The following LACTB variants were observed in gnomAD, a reference collection of about 807,000 sequenced individuals.
LACTB encodes the protein lactamase beta.
A neutral mutation model predicts 50.2 loss-of-function variants in LACTB; 35 were observed. That is an observed-to-expected ratio of 0.70 (90% CI 0.53 to 0.92). The LOEUF (loss-of-function observed/expected upper bound fraction) is 0.92, where lower values mean the gene tolerates loss of function less well. Among genes scored for constraint, LACTB ranks in the 40% least tolerant of loss-of-function variants. The pLI is 0.00. For missense variants in LACTB, 664 were observed against 691.8 expected (o/e 0.96, Z 0.45); for synonymous variants, 252 against 268.2 (o/e 0.94, Z 0.59).
In LACTB at chr15:63,141,643, T is replaced by C. The variant is rs758057007; in HGVS notation, c.1482T>C (p.Ser494=). 5 of 1,614,104 alleles carry C rather than the reference T, an allele frequency of 3.1e-6. No homozygotes were observed. In the South Asian group the frequency reaches 5.5e-5, roughly 18 times the overall value. Residue 494 remains serine (S), a synonymous_variant, in exon 6 of 6, where the codon AGT becomes AGC. Coordinates refer to ENST00000261893, the MANE Select transcript of LACTB (RefSeq NM_032857.5). ...SHTGGAVGAS[S]VLLVLPEELD... The stretch of plus-strand genomic sequence containing the variant: ...CTGGAGGGGCAGTGGGTGCCAGTAG[T>C]GTCCTGCTGGTCCTTCCTGAAGAAC...
intron 5 of LACTB, among the ~76,000 whole-genome samples, chr15:63,136,015 G>A (rs1316297484): frequency 1.3e-5 from 2 of 151,004 alleles, no homozygotes; most frequent in African/African-American, 4.9e-5. Context: ...TATGCCATAT[G>A]ATGGTGAGTC....
At chr15:63,122,304 AC>A in intron 1 of LACTB, 76 bp downstream of exon 1, 1 of 1,278,156 alleles carries the variant, frequency 7.8e-7, no homozygotes, top group Non-Finnish European at 1.0e-6. Context: ...GGCTGAGTGG[AC>A]CCCACCCGGG....
intron 5 of LACTB, among the ~76,000 whole-genome samples, chr15:63,135,624 G>A (rs893406755): frequency 6.6e-6 from 1 of 152,156 alleles, no homozygotes; most frequent in Non-Finnish European, 1.5e-5. Context: ...GAGGCTGAGC[G>A]GGGAGGATCA....
At chr15:63,140,960 C>A (rs2037222266) in intron 5 of LACTB, 2 of 967,842 alleles carry the variant, frequency 2.1e-6, no homozygotes, top group African/African-American at 3.5e-5. Flanking sequence ...ATGCACAGGG[C>A]AAATATGTCA....
At chr15:63,138,532 G>T (rs1440017078) in intron 5 of LACTB, among the ~76,000 whole-genome samples, 1 of 152,124 alleles carries the variant, frequency 6.6e-6, no homozygotes, top group African/African-American at 2.4e-5. Flanking sequence ...AAATGGTAAA[G>T]TTTATCTTTC....
At chr15:63,127,787 T>C (rs1406999312) in intron 4 of LACTB, 98 bp downstream of exon 4, 10 of 841,162 alleles carry the variant, frequency 1.2e-5, no homozygotes, top group South Asian at 1.1e-4. Context: ...TTCATTGAGG[T>C]TGATGATTGT....
At position 63,141,592 on chromosome 15, in the gene LACTB, A is replaced by G; in HGVS notation, c.1431A>G (p.Arg477=). 1 of 1,614,220 alleles carries G rather than the reference A, an allele frequency of 6.2e-7. No individual in the cohort carries two copies. Among genetic ancestry groups the G allele is most frequent in the Non-Finnish European group, 8.5e-7 (1 of 1,180,038 alleles). Residue 477 remains arginine, a synonymous_variant, in exon 6 of 6, where the codon AGA becomes AGG. Coordinates refer to ENST00000261893, the MANE Select transcript of LACTB (RefSeq NM_032857.5). The part of the protein sequence containing the change: ...VERKQTYGSC[R]KQRHYASHTG... The stretch of plus-strand genomic sequence containing the variant: ...GGAAACAAACGTATGGTTCGTGTAG[A>G]AAGCAACGGCATTATGCTTCACATA...
At chr15:63,125,207 G>A (rs377549750) in intron 2 of LACTB, among the ~76,000 whole-genome samples, 6 of 140,436 alleles carry the variant, frequency 4.3e-5, no homozygotes, top group East Asian at 2.1e-4. Context: ...CACTCTTGTT[G>A]CCCAGGCTGG....
intron 5 of LACTB, among the ~76,000 whole-genome samples, chr15:63,139,885 G>A (rs540953006): frequency 6.6e-6 from 1 of 151,378 alleles, no homozygotes. Context: ...ATTGCTTGAG[G>A]CCAGGAGTTC....
At chr15:63,128,838 G>T (rs2037091919) in intron 4 of LACTB, among the ~76,000 whole-genome samples, 1 of 151,952 alleles carries the variant, frequency 6.6e-6, no homozygotes, top group Admixed American at 6.6e-5. Context: ...CTGCCTCCTG[G>T]GTTTAAGCGA....
chr15:63,141,845 G>GT lies in LACTB; in HGVS notation c.*47dup, dbSNP rs530477650. The stretch of plus-strand genomic sequence containing the variant: ...TAGGTGCAAAATGAGTTGTTCTGAG[G>GT]TTTTTTTGAAACATTAAAGTTCCAA... On this transcript the variant is annotated 3_prime_UTR_variant, in exon 6 of 6. Coordinates refer to ENST00000261893, the MANE Select transcript of LACTB (RefSeq NM_032857.5). 47 of 1,530,740 alleles carry GT rather than the reference G, an allele frequency of 3.1e-5. No homozygotes were observed. Among genetic ancestry groups the GT allele is most frequent in the African/African-American group, 6.9e-5 (5 of 72,366 alleles). The allele number at this position is 1,530,740 out of a possible 1,614,324, so 94.8% of individuals were successfully genotyped here.
chr15:63,129,533 T>C lies in LACTB; in HGVS notation c.1001T>C (p.Ile334Thr), dbSNP rs2037101657. 6.2e-7 allele frequency: 1 copy of C among 1,612,664 alleles called. No individual in the cohort carries two copies. The highest frequency in any genetic ancestry group is 8.5e-7 in the Non-Finnish European group (1 of 1,179,240). Reference sequence around the variant, plus strand: ...TTTGGCTATACCCTACTGGCAGCCATAGTAGAGAGAGCTTCAGGATGTAAA... The same window carrying C: ...TTTGGCTATACCCTACTGGCAGCCACAGTAGAGAGAGCTTCAGGATGTAAA... Reference protein sequence around the residue: ...STFGYTLLAAIVERASGCKYL... With the variant: ...STFGYTLLAATVERASGCKYL... Residue 334 changes from isoleucine to threonine, a missense_variant, in exon 5 of 6, where the codon ATA (isoleucine) becomes ACA (threonine). Coordinates refer to ENST00000261893, the MANE Select transcript of LACTB (RefSeq NM_032857.5).
rs771050457 is a variant in LACTB at position 63,141,599 on chromosome 15, C to T, written c.1438C>T (p.Arg480Trp). The change falls in exon 6 of 6, where the codon CGG becomes TGG. Residue 480 changes from arginine to tryptophan, a missense_variant. Arg to Trp is a moderately radical substitution (Grantham distance 101, BLOSUM62 -3). Transcript: ENST00000261893. ...AACGTATGGTTCGTGTAGAAAGCAACGGCATTATGCTTCACATACTGGAGG... is the reference window on the plus strand; with the variant it reads ...AACGTATGGTTCGTGTAGAAAGCAATGGCATTATGCTTCACATACTGGAGG... ...KQTYGSCRKQRHYASHTGGAV... is the reference protein window; with the variant it reads ...KQTYGSCRKQWHYASHTGGAV... 5.6e-6 allele frequency: 9 copies of T among 1,614,014 alleles called. No homozygotes were observed. In the East Asian group the frequency reaches 1.3e-4, roughly 24 times the overall value.
intron 2 of LACTB, among the ~76,000 whole-genome samples, chr15:63,125,697 G>T (rs1160571445): frequency 6.7e-6 from 1 of 150,194 alleles, no homozygotes; most frequent in African/African-American, 2.5e-5. Context: ...TTTATTTTTT[G>T]GACAGGGTCT....
At chr15:63,135,194 T>C (rs2037165214) in intron 5 of LACTB, among the ~76,000 whole-genome samples, 1 of 152,198 alleles carries the variant, frequency 6.6e-6, no homozygotes, top group Admixed American at 6.5e-5. Context: ...TTTTTAGCTT[T>C]GTGTTCTTAT....
intron 5 of LACTB, among the ~76,000 whole-genome samples, chr15:63,135,775 T>G (rs1306766643): frequency 6.6e-6 from 1 of 152,166 alleles, no homozygotes; most frequent in Non-Finnish European, 1.5e-5. Flanking sequence ...GATTCTCTAG[T>G]AAAGATGGCA....
At position 63,125,541 on chromosome 15, in the gene LACTB, G is replaced by T. The variant is rs1340735646; in HGVS notation, c.425-1318G>T. On this transcript the variant is annotated intron_variant, in intron 2 of 5. Transcript: ENST00000261893. ...AATCTAATCATTATACCTAATTTAT[G>T]ATAAGTCTTGTAATCAAAAATTATA... Among the ~76,000 whole-genome samples, 3 of 152,250 alleles carry T rather than the reference G, an allele frequency of 2.0e-5. No homozygotes were observed. The East Asian group carries it at 5.8e-4, about 29-fold the overall frequency.
chr15:63,126,350 C>T (rs2037053850), intron 2 of LACTB, among the ~76,000 whole-genome samples: 1 of 152,142 alleles, frequency 6.6e-6, no homozygotes, highest in Admixed American at 6.5e-5. Flanking sequence ...CCATGTTGGC[C>T]AGGCTAGTCT....
rs776877625 is a variant in LACTB at position 63,127,535 on chromosome 15, A to G, written c.798A>G (p.Lys266=). The change falls in exon 4 of 6, where the codon AAA becomes AAG. Residue 266 remains lysine (K), a synonymous_variant. Transcript: ENST00000261893. ...AAAAGAATGATTTTACTAAATTTAA[A>G]ACAGAGCAGGAGAATGAAGCCAAAT... ...SNEKNDFTKF[K]TEQENEAKCR... 3 of 1,613,848 alleles carry G rather than the reference A, an allele frequency of 1.9e-6. No individual in the cohort carries two copies. The South Asian group carries it at 3.3e-5, about 18-fold the overall frequency.
Sources: gnomAD v4.1 joint callset for allele counts (sites outside exome capture counted in the v4.1 genomes callset) on GRCh38, gnomAD v4.1.1 for gene constraint, MANE v1.5 for transcripts, NCBI Gene and HGNC (gene_info 2026-07-23, HGNC 2026-07-21) for gene names.